The following PTPRT variants were observed in gnomAD, a reference collection of about 807,000 sequenced individuals.
PTPRT encodes protein tyrosine phosphatase receptor type T, also known as receptor-type tyrosine-protein phosphatase T.
A neutral mutation model predicts 176.8 loss-of-function variants in PTPRT; 56 were observed. The ratio of observed to expected loss-of-function variants is 0.32; its 90% CI spans 0.26 to 0.40. The LOEUF is 0.40. Among genes scored for constraint, PTPRT ranks in the 10% least tolerant of loss-of-function variants. PTPRT has a pLI of 1.00. For synonymous variants in PTPRT, 783 were observed against 739.0 expected, an observed-to-expected ratio of 1.06 and a Z score of -0.96; for missense variants, 1,540 against 1,908.2, an observed-to-expected ratio of 0.81 and a Z score of 3.60.
At chr20:43,095,330 T>A (rs560188197) in intron 1 of PTPRT, among the ~76,000 whole-genome samples, 1 of 152,180 alleles carries the variant, frequency 6.6e-6, no homozygotes, top group East Asian at 1.9e-4. Context: ...AAATCACTAT[T>A]ATTATTTTTC....
At chr20:42,234,263 C>T (rs2056194115) in intron 15 of PTPRT, among the ~76,000 whole-genome samples, 1 of 152,198 alleles carries the variant, frequency 6.6e-6, no homozygotes, top group African/African-American at 2.4e-5. Context: ...CTCCTCTTCA[C>T]AGCAACTCTG....
chr20:43,095,464 T>C (rs1425851608), intron 1 of PTPRT, among the ~76,000 whole-genome samples: 1 of 152,066 alleles, frequency 6.6e-6, no homozygotes, highest in Non-Finnish European at 1.5e-5. Context: ...AACATTTGTG[T>C]TTCTGGACAC....
chr20:42,564,697 T>G (rs942802919), intron 7 of PTPRT, among the ~76,000 whole-genome samples: 86 of 152,148 alleles, frequency 5.7e-4, no homozygotes, highest in South Asian at 8.3e-4. Flanking sequence ...CCATGGCACA[T>G]GTATATCTAT....
rs2074482640 is a variant in PTPRT at position 42,633,890 on chromosome 20, T to A, written c.1153+43976A>T. ...TATCTATAATATATTATAATATAAT[T>A]ATTATATATAATATAATATATAATT... On this transcript the variant is annotated intron_variant, in intron 7 of 30. Transcript: ENST00000373187. 6.7e-5 allele frequency among the ~76,000 whole-genome samples: 4 copies of A among 59,956 alleles called. No individual in the cohort carries two copies. In the South Asian group the frequency reaches 1.6e-3, roughly 24 times the overall value. 39.3% of individuals were successfully genotyped at this position (59,956 alleles called of 152,430 possible).
chr20:42,841,898 C>T (rs1429747436), intron 2 of PTPRT, among the ~76,000 whole-genome samples: 1 of 152,208 alleles, frequency 6.6e-6, no homozygotes, highest in Non-Finnish European at 1.5e-5. Flanking sequence ...TGCAATTTGG[C>T]CAGAAGGCCT....
chr20:43,088,484 T>G (rs1600703995), intron 1 of PTPRT, among the ~76,000 whole-genome samples: 2 of 152,108 alleles, frequency 1.3e-5, no homozygotes, highest in African/African-American at 4.8e-5. Context: ...GTGCCCTGTG[T>G]GGCTACACCA....
chr20:42,717,903 G>A (rs768952166), intron 6 of PTPRT, among the ~76,000 whole-genome samples: 39 of 152,162 alleles, frequency 2.6e-4, no homozygotes, highest in Admixed American at 2.0e-3. Flanking sequence ...GCGTGCACAC[G>A]CGCATATGTA....
At chr20:42,533,872 G>C (rs773788827) in intron 7 of PTPRT, among the ~76,000 whole-genome samples, 12 of 152,230 alleles carry the variant, frequency 7.9e-5, no homozygotes, top group Non-Finnish European at 1.3e-4. Context: ...GGGAATGGGG[G>C]TGAAGGGTGC....
At chr20:42,927,914 C>T (rs1979588644) in intron 1 of PTPRT, among the ~76,000 whole-genome samples, 1 of 152,218 alleles carries the variant, frequency 6.6e-6, no homozygotes, top group African/African-American at 2.4e-5. Context: ...GATGAAGTAA[C>T]TTGCTCAAGG....
chr20:43,165,108 A>C (rs1042824608), intron 1 of PTPRT, among the ~76,000 whole-genome samples: 48 of 151,104 alleles, frequency 3.2e-4, no homozygotes, highest in African/African-American at 1.0e-3. Flanking sequence ...ATAGTGAATA[A>C]GTCTCACAAG....
At chr20:43,141,759 G>C (rs570250017) in intron 1 of PTPRT, among the ~76,000 whole-genome samples, 1 of 152,110 alleles carries the variant, frequency 6.6e-6, no homozygotes, top group African/African-American at 2.4e-5. Flanking sequence ...ATAAGACTTC[G>C]CAATAAATAG....
chr20:43,115,950 G>C (rs138497235), intron 1 of PTPRT, among the ~76,000 whole-genome samples: 2 of 152,094 alleles, frequency 1.3e-5, no homozygotes, highest in Admixed American at 1.3e-4. Context: ...AATAAACCTC[G>C]CAAGCCACTG....
intron 18 of PTPRT, among the ~76,000 whole-genome samples, chr20:42,137,828 C>G (rs756068078): frequency 5.3e-5 from 8 of 152,194 alleles, no homozygotes; most frequent in Non-Finnish European, 1.2e-4. Flanking sequence ...AGGTAAACAA[C>G]AGAACTGGGA....
intron 9 of PTPRT, among the ~76,000 whole-genome samples, chr20:42,402,838 ATG>A (rs142450968): frequency 1.1e-4 from 17 of 151,258 alleles, no homozygotes; most frequent in Admixed American, 4.0e-4. Context: ...GTGTATGTGC[ATG>A]TGTGTGTGTG....
intron 12 of PTPRT, among the ~76,000 whole-genome samples, chr20:42,288,605 G>A (rs2057269785): frequency 6.6e-6 from 1 of 151,980 alleles, no homozygotes; most frequent in Non-Finnish European, 1.5e-5. Flanking sequence ...TTACAAGACA[G>A]AACATGTGGC....
chr20:42,272,719 G>A (rs557099715), intron 13 of PTPRT, among the ~76,000 whole-genome samples: 4 of 100,532 alleles, frequency 4.0e-5, no homozygotes, highest in South Asian at 5.6e-4. Flanking sequence ...ACACACGTGC[G>A]CGCACACACA....
chr20:42,772,174 G>A (rs2077072770), intron 4 of PTPRT, among the ~76,000 whole-genome samples: 1 of 152,194 alleles, frequency 6.6e-6, no homozygotes, highest in East Asian at 1.9e-4. Flanking sequence ...GGAGGAAAAG[G>A]GAAGGAAAGC....
the PTPRT span, among the ~76,000 whole-genome samples, chr20:42,062,338 G>A: frequency 6.6e-6 from 1 of 152,138 alleles, no homozygotes; most frequent in Admixed American, 6.5e-5. Context: ...GAAAAGAAGG[G>A]AGCCTTCTTC....
chr20:42,337,987 G>A (rs1358066010), intron 11 of PTPRT, among the ~76,000 whole-genome samples: 1 of 152,166 alleles, frequency 6.6e-6, no homozygotes, highest in East Asian at 1.9e-4. Flanking sequence ...CCTGAACAGA[G>A]CCTCCCGTGT....
Sources: allele counts gnomAD v4.1 joint callset (sites outside exome capture counted in the v4.1 genomes callset), GRCh38; gene constraint gnomAD v4.1.1; transcripts MANE v1.5; gene names NCBI Gene and HGNC (gene_info 2026-07-23, HGNC 2026-07-21).